Variants in FIRRM observed in about 807,000 individuals in gnomAD.
FIRRM encodes the protein FIGNL1 interacting regulator of recombination and mitosis.
the FIRRM span, chr1:169,802,494 G>C: frequency 1.4e-5 from 8 of 577,524 alleles, no homozygotes; most frequent in Non-Finnish European, 2.4e-5. Flanking sequence ...TGTTAAGCTA[G>C]ATGATAGCCT....
the FIRRM span, among the ~76,000 whole-genome samples, chr1:169,810,979 C>T: frequency 6.6e-6 from 1 of 151,286 alleles, no homozygotes; most frequent in African/African-American, 2.4e-5. Flanking sequence ...CCTGCCTCAG[C>T]CTCCCGAGTA....
chr1:169,819,608 G>A, the FIRRM span, among the ~76,000 whole-genome samples: 3 of 152,296 alleles, frequency 2.0e-5, no homozygotes, highest in Non-Finnish European at 2.9e-5. Context: ...GTTTTCCGAT[G>A]GAGTCCCAGG....
the FIRRM span, among the ~76,000 whole-genome samples, chr1:169,826,551 C>G: frequency 6.6e-6 from 1 of 150,886 alleles, no homozygotes; most frequent in African/African-American, 2.4e-5. Flanking sequence ...TTAGTAGAGA[C>G]GGGGTTTCAC....
At chr1:169,793,902 A>AAAT in the FIRRM span, 1 of 417,634 alleles carries the variant, frequency 2.4e-6, no homozygotes, top group Non-Finnish European at 4.2e-6. Context: ...GCAGCTCTGG[A>AAAT]AAGAAAAAAA....
At chr1:169,811,956 G>A in the FIRRM span, among the ~76,000 whole-genome samples, 1 of 152,166 alleles carries the variant, frequency 6.6e-6, no homozygotes, top group East Asian at 1.9e-4. Context: ...AGAAAGAATG[G>A]TGCTCATATT....
chr1:169,823,306 T>A, the FIRRM span: 1 of 579,530 alleles, frequency 1.7e-6, no homozygotes, highest in South Asian at 3.2e-5. Context: ...TTAAAAGGGG[T>A]CACATTCAGG....
At chr1:169,786,067 G>A in the FIRRM span, among the ~76,000 whole-genome samples, 2 of 152,062 alleles carry the variant, frequency 1.3e-5, no homozygotes, top group South Asian at 4.2e-4. Flanking sequence ...ACAATGTTGG[G>A]AGATAAGACA....
chr1:169,795,384 C>T, the FIRRM span: 4 of 1,408,370 alleles, frequency 2.8e-6, no homozygotes, highest in African/African-American at 1.5e-5. Context: ...GGAGGGGAAG[C>T]GACAACCGTG....
the FIRRM span, chr1:169,826,162 TC>T: frequency 4.5e-6 from 1 of 220,416 alleles, no homozygotes; most frequent in African/African-American, 2.3e-5. Flanking sequence ...AACCTCCACC[TC>T]CCAGGTTCAA....
At chr1:169,785,997 A>G in the FIRRM span, among the ~76,000 whole-genome samples, 3 of 152,232 alleles carry the variant, frequency 2.0e-5, no homozygotes, top group African/African-American at 7.2e-5. Context: ...TAAAATTACC[A>G]GAAACTTAAG....
the FIRRM span, chr1:169,792,922 T>C: frequency 6.2e-7 from 1 of 1,614,044 alleles, no homozygotes; most frequent in African/African-American, 1.3e-5. Context: ...TATATAGTTG[T>C]GTTACTTTTG....
chr1:169,852,126 T>C, the FIRRM span: 2 of 691,292 alleles, frequency 2.9e-6, no homozygotes, highest in Non-Finnish European at 4.9e-6. Flanking sequence ...CCATATCAAA[T>C]ATATTCTTTC....
the FIRRM span, among the ~76,000 whole-genome samples, chr1:169,846,241 GC>G: frequency 6.6e-6 from 1 of 152,164 alleles, no homozygotes; most frequent in African/African-American, 2.4e-5. Flanking sequence ...AAACAGGTAT[GC>G]CATCATCCTG....
At chr1:169,800,786 G>T in the FIRRM span, 1 of 467,030 alleles carries the variant, frequency 2.1e-6, no homozygotes. Flanking sequence ...AGTGTATCAA[G>T]CTTTAGATTG....
chr1:169,800,916 C>T, the FIRRM span: 2 of 1,592,172 alleles, frequency 1.3e-6, no homozygotes, highest in South Asian at 1.1e-5. Context: ...ATGTTTTTAC[C>T]TCATATGAAC....
At chr1:169,840,511 C>CTT in the FIRRM span, among the ~76,000 whole-genome samples, 27 of 141,578 alleles carry the variant, frequency 1.9e-4, no homozygotes, top group South Asian at 2.7e-3. Context: ...TTTCTTTTTT[C>CTT]TTTTTTTTTT....
At chr1:169,836,974 TC>T in the FIRRM span, 1 of 1,612,796 alleles carries the variant, frequency 6.2e-7, no homozygotes, top group Admixed American at 1.7e-5. Flanking sequence ...AAAATCTGCC[TC>T]TGTGGCAACA....
chr1:169,826,075 T>A, the FIRRM span: 1 of 196,882 alleles, frequency 5.1e-6, no homozygotes, highest in South Asian at 3.1e-5. Flanking sequence ...TAAAACAACT[T>A]TTTTTTTCTT....
chr1:169,812,063 A>G, the FIRRM span, among the ~76,000 whole-genome samples: 1 of 152,222 alleles, frequency 6.6e-6, no homozygotes, highest in African/African-American at 2.4e-5. Context: ...TGAGTAAATC[A>G]AAGATGGGAC....
Sources: gnomAD v4.1 joint callset for allele counts (sites outside exome capture counted in the v4.1 genomes callset) on GRCh38, gnomAD v4.1.1 for gene constraint, MANE v1.5 for transcripts, NCBI Gene and HGNC (gene_info 2026-07-23, HGNC 2026-07-21) for gene names.